Variants in SCYL2 observed in about 807,000 individuals in gnomAD.
The protein encoded by SCYL2 is SCY1 like pseudokinase 2.
A neutral mutation model predicts 100.4 loss-of-function variants in SCYL2; 36 were observed. That is an observed-to-expected ratio of 0.36 (90% CI 0.27 to 0.47). The LOEUF is 0.47. SCYL2 is among the 20% of genes least tolerant of loss of function. The pLI is 1.00. For synonymous variants in SCYL2, 330 were observed against 359.2 expected, an observed-to-expected ratio of 0.92 and a Z score of 0.92; for missense variants, 902 against 1,083.9, an observed-to-expected ratio of 0.83 and a Z score of 2.36.
At chr12:100,331,787 G>T (rs776757165) in intron 13 of SCYL2, among the ~76,000 whole-genome samples, 37 of 152,206 alleles carry the variant, frequency 2.4e-4, no homozygotes, top group Non-Finnish European at 4.4e-5. Flanking sequence ...TCTCATTTAA[G>T]ACTGCCTTCT....
intron 13 of SCYL2, among the ~76,000 whole-genome samples, chr12:100,331,110 G>A (rs1190339646): frequency 6.6e-6 from 1 of 152,070 alleles, no homozygotes; most frequent in African/African-American, 2.4e-5. Flanking sequence ...ACAGGCATGA[G>A]CCACCATGCC....
rs541869253 is a variant in SCYL2 at position 100,276,794 on chromosome 12, T to A, written c.-28-6149T>A. On this transcript the variant is annotated intron_variant, in intron 1 of 17. Transcript: ENST00000360820. Reference sequence around the variant, plus strand: ...TCTCTTTCATTGATTCCTCCTCTTCTACTTATTTTAATTTTCTCTTTTTCT... The same window carrying A: ...TCTCTTTCATTGATTCCTCCTCTTCAACTTATTTTAATTTTCTCTTTTTCT... Among the ~76,000 whole-genome samples the A allele has an allele frequency of 1.1e-4, 17 of 152,220 alleles. No homozygotes were observed. The East Asian group carries it at 3.3e-3, about 29-fold the overall frequency.
At chr12:100,300,273 A>C (rs564086616) in intron 4 of SCYL2, among the ~76,000 whole-genome samples, 28 of 152,282 alleles carry the variant, frequency 1.8e-4, no homozygotes, top group Admixed American at 1.5e-3. Flanking sequence ...ATTTTCTCCC[A>C]ATCTGGCTTA....
In SCYL2 at chr12:100,339,253, G is replaced by A; in HGVS notation, c.*81G>A. 6 of 1,360,382 alleles carry A rather than the reference G, an allele frequency of 4.4e-6. No homozygotes were observed. Among genetic ancestry groups the A allele is most frequent in the Non-Finnish European group, 5.0e-6 (5 of 993,436 alleles). 84.3% of individuals were successfully genotyped at this position (1,360,382 alleles called of 1,614,324 possible). A position where few individuals can be genotyped will look rare whatever the true frequency, so the allele number is the denominator to read the frequency against. On this transcript the variant is annotated 3_prime_UTR_variant, in exon 18 of 18. Coordinates refer to ENST00000360820, the MANE Select transcript of SCYL2 (RefSeq NM_017988.6). ...TTTACATCTTTATATAGTTGGCTTG[G>A]AGGAAGTACTTCTATGGGAAAGTGA...
At chr12:100,295,039 G>GATGCAATCTCGGCA (rs2096317419) in intron 3 of SCYL2, among the ~76,000 whole-genome samples, 1 of 149,862 alleles carries the variant, frequency 6.7e-6, no homozygotes. Context: ...CCGGGCAGAG[G>GATGCAATCTCGGCA]CGCTCCTCAC....
intron 10 of SCYL2, among the ~76,000 whole-genome samples, chr12:100,320,154 T>A (rs2096353971): frequency 6.6e-6 from 1 of 152,110 alleles, no homozygotes; most frequent in South Asian, 2.1e-4. Context: ...TAAACAGAAG[T>A]TTCTGAGAGT....
At chr12:100,334,746 A>G (rs1037412959) in intron 14 of SCYL2, among the ~76,000 whole-genome samples, 2 of 152,048 alleles carry the variant, frequency 1.3e-5, no homozygotes, top group African/African-American at 4.8e-5. Context: ...AGGATTTTCT[A>G]AATTATTTGC....
chr12:100,285,969 A>G (rs1339544031), intron 2 of SCYL2, among the ~76,000 whole-genome samples: 2 of 152,148 alleles, frequency 1.3e-5, no homozygotes, highest in Non-Finnish European at 2.9e-5. Flanking sequence ...TAAATGATAA[A>G]TGTTTACCGT....
chr12:100,315,344 C>T (rs530457054), intron 8 of SCYL2, among the ~76,000 whole-genome samples: 18 of 152,222 alleles, frequency 1.2e-4, no homozygotes, highest in African/African-American at 2.2e-4. Flanking sequence ...GACCGTGTGT[C>T]CCCTTTTACC....
chr12:100,309,990 C>G (rs1260369194), intron 4 of SCYL2, among the ~76,000 whole-genome samples: 1 of 150,794 alleles, frequency 6.6e-6, no homozygotes, highest in Non-Finnish European at 1.5e-5. Context: ...TTTCTTTTTT[C>G]TTTCTCTTTT....
chr12:100,337,904 C>T (rs1382105103), intron 17 of SCYL2, among the ~76,000 whole-genome samples: 1 of 152,146 alleles, frequency 6.6e-6, no homozygotes, highest in Non-Finnish European at 1.5e-5. Context: ...TTAAGATGTA[C>T]CTACATGACC....
intron 1 of SCYL2, among the ~76,000 whole-genome samples, chr12:100,268,794 T>C (rs185426910): frequency 3.3e-4 from 50 of 152,328 alleles, no homozygotes; most frequent in African/African-American, 1.2e-3. Flanking sequence ...TAGCTCCTCT[T>C]ACTGTGTTTA....
At chr12:100,330,741 G>T (rs1952198700) in intron 13 of SCYL2, among the ~76,000 whole-genome samples, 1 of 151,876 alleles carries the variant, frequency 6.6e-6, no homozygotes, top group African/African-American at 2.4e-5. Context: ...TGGAGGTAGA[G>T]AAATTTATAA....
chr12:100,282,475 G>A lies in SCYL2; in HGVS notation c.-28-468G>A, dbSNP rs1220917824. ...CAAGTAGCTGGGACTACGGGCACCTGCCACCACGCCTGGCTAATTTTTGTA... is the reference window on the plus strand; with the variant it reads ...CAAGTAGCTGGGACTACGGGCACCTACCACCACGCCTGGCTAATTTTTGTA... On this transcript the variant is annotated intron_variant, in intron 1 of 17. Transcript: ENST00000360820. 1.3e-5 allele frequency among the ~76,000 whole-genome samples: 2 copies of A among 150,582 alleles called. 1 individual carries two copies. Among genetic ancestry groups the A allele is most frequent in the Non-Finnish European group, 3.0e-5 (2 of 67,576 alleles).
intron 1 of SCYL2, among the ~76,000 whole-genome samples, chr12:100,270,048 G>A (rs367785949): frequency 1.3e-5 from 2 of 150,994 alleles, no homozygotes; most frequent in East Asian, 2.0e-4. Flanking sequence ...GTGCCGTGGC[G>A]CGATCTCGGC....
At chr12:100,313,668 A>G (rs1286015713) in intron 7 of SCYL2, 130 bp downstream of exon 7, 2 of 582,510 alleles carry the variant, frequency 3.4e-6, no homozygotes, top group Admixed American at 6.0e-5. Context: ...TTCTAAAGCA[A>G]CAGTCAGATA....
In SCYL2 at chr12:100,329,222, C is replaced by T; in HGVS notation, c.1664C>T (p.Thr555Ile). 1.3e-6 allele frequency: 2 copies of T among 1,589,270 alleles called. No homozygotes were observed. The highest frequency in any genetic ancestry group is 1.7e-5 in the Admixed American group (1 of 59,944). Reference protein sequence around the residue: ...GILGIYKCTFTHKKLGITKEQ... With the variant: ...GILGIYKCTFIHKKLGITKEQ... ...TCAGGTATTTACAAATGTACTTTTA[C>T]TCATAAGAAGTTGGGAATCACCAAA... Residue 555 changes from threonine (T) to isoleucine (I), a missense_variant, in exon 13 of 18, where the codon ACT becomes ATT. Transcript: ENST00000360820.
rs905077591 is a variant in SCYL2, at chr12:100,340,797, T to A, written c.*1625T>A. ...AGAATTGCTAAAGAAATGCATCCAA[T>A]AAATGAAAAACAGTAGGAAGATCAA... is the stretch of plus-strand genomic sequence containing the variant. On this transcript the variant is annotated 3_prime_UTR_variant, in exon 18 of 18. Coordinates refer to ENST00000360820, the MANE Select transcript of SCYL2 (RefSeq NM_017988.6). The A allele has an allele frequency of 2.0e-5, 3 of 152,030 alleles. No homozygotes were observed. Among genetic ancestry groups the A allele is most frequent in the African/African-American group, 7.2e-5 (3 of 41,410 alleles). The allele number at this position is 152,030 out of a possible 1,614,324, so 9.4% of individuals were successfully genotyped here.
intron 10 of SCYL2, among the ~76,000 whole-genome samples, chr12:100,318,419 C>T (rs571396013): frequency 1.9e-4 from 29 of 151,696 alleles, no homozygotes; most frequent in African/African-American, 6.8e-4. Context: ...CAACCTCCGC[C>T]TCCTGGGTTC....
Sources: allele counts gnomAD v4.1 joint callset (sites outside exome capture counted in the v4.1 genomes callset), GRCh38; gene constraint gnomAD v4.1.1; transcripts MANE v1.5; gene names NCBI Gene and HGNC (gene_info 2026-07-23, HGNC 2026-07-21).